NFIB: variants seen among roughly 807,000 people sequenced by gnomAD.
NFIB encodes nuclear factor I B.
Under a neutral mutation model 61.5 loss-of-function variants are expected in NFIB, and 11 were observed. That is an observed-to-expected ratio of 0.18 (90% CI 0.11 to 0.30). The LOEUF is 0.30. NFIB is among the 10% of genes least tolerant of loss of function. The probability of loss-of-function intolerance (pLI) is 1.00; values close to 1 mark genes in which losing one functional copy is unlikely to be tolerated. For missense variants in NFIB, 471 were observed against 608.9 expected (o/e 0.77, Z 2.38); for synonymous variants, 260 against 216.5 (o/e 1.20, Z -1.76).
chr9:14,245,465 A>C lies in NFIB; in HGVS notation c.562+61524T>G, dbSNP rs2054812108. ...ACCAGGACAGAACAAAACAAAACAGAAAAAAAAAACCAACGGCAACAAAAA... is the reference window on the plus strand; with the variant it reads ...ACCAGGACAGAACAAAACAAAACAGCAAAAAAAAACCAACGGCAACAAAAA... On this transcript the variant is annotated intron_variant, in intron 2 of 10. Coordinates refer to ENST00000380953, the MANE Select transcript of NFIB (RefSeq NM_001190737.2). Among the ~76,000 whole-genome samples, 3 of 149,224 alleles carry C rather than the reference A, an allele frequency of 2.0e-5. No individual in the cohort carries two copies. In the South Asian group the frequency reaches 6.4e-4, roughly 32 times the overall value.
At chr9:14,344,108 AAGAG>A (rs149708104) in intron 1 of NFIB, among the ~76,000 whole-genome samples, 1,981 of 141,486 alleles carry the variant, frequency 0.014, 25 homozygotes, top group Non-Finnish European at 0.015. Flanking sequence ...GAGAGAGAGA[AAGAG>A]AGAGAGAGAG....
chr9:14,262,127 A>G (rs2056816952), intron 2 of NFIB, among the ~76,000 whole-genome samples: 1 of 152,106 alleles, frequency 6.6e-6, no homozygotes, highest in Non-Finnish European at 1.5e-5. Context: ...GGCCCTCACC[A>G]TGACTCCTCC....
At chr9:14,213,549 G>A (rs73645013) in intron 2 of NFIB, among the ~76,000 whole-genome samples, 1 of 152,092 alleles carries the variant, frequency 6.6e-6, no homozygotes, top group Non-Finnish European at 1.5e-5. Flanking sequence ...GGTCAGACCA[G>A]TGCTGCTGGT....
chr9:14,432,362 T>C, the NFIB span, among the ~76,000 whole-genome samples: 4 of 152,232 alleles, frequency 2.6e-5, no homozygotes, highest in Admixed American at 1.3e-4. Flanking sequence ...TTTTATTCCC[T>C]AGTTCCAATT....
At chr9:14,112,741 G>C (rs1216138926) in intron 10 of NFIB, among the ~76,000 whole-genome samples, 1 of 152,142 alleles carries the variant, frequency 6.6e-6, no homozygotes, top group Admixed American at 6.5e-5. Context: ...AATACACTTT[G>C]GCTGAAACAC....
At chr9:14,404,879 C>T in the NFIB span, among the ~76,000 whole-genome samples, 1 of 152,144 alleles carries the variant, frequency 6.6e-6, no homozygotes, top group Non-Finnish European at 1.5e-5. Flanking sequence ...GTCCAGCCTC[C>T]AGCAGCAAAA....
chr9:14,481,197 G>GTGTGTGTATATATA, the NFIB span, among the ~76,000 whole-genome samples: 1 of 45,826 alleles, frequency 2.2e-5, no homozygotes, highest in Non-Finnish European at 3.9e-5. Flanking sequence ...GTGTGTGTGT[G>GTGTGTGTATATATA]TATATATATA....
intron 6 of NFIB, among the ~76,000 whole-genome samples, chr9:14,142,898 A>T (rs1014710103): frequency 6.6e-6 from 1 of 152,190 alleles, no homozygotes; most frequent in South Asian, 2.1e-4. Flanking sequence ...GGAAAGAAAT[A>T]TAACAGTTGT....
chr9:14,320,634 T>A (rs923989025), intron 1 of NFIB, among the ~76,000 whole-genome samples: 5 of 152,204 alleles, frequency 3.3e-5, no homozygotes, highest in African/African-American at 1.2e-4. Flanking sequence ...GTAAATACAC[T>A]GGAAAGTCAC....
the NFIB span, among the ~76,000 whole-genome samples, chr9:14,491,116 T>C: frequency 5.9e-5 from 9 of 152,206 alleles, no homozygotes; most frequent in African/African-American, 9.7e-5. Flanking sequence ...ACCAACGATA[T>C]AATTTTGGAC....
At chr9:14,351,730 T>C (rs2061115350) in intron 1 of NFIB, among the ~76,000 whole-genome samples, 1 of 152,216 alleles carries the variant, frequency 6.6e-6, no homozygotes, top group South Asian at 2.1e-4. Context: ...TGTGACTGAA[T>C]TTTAGAAGGT....
chr9:14,402,457 G>A (rs570151283), upstream of NFIB, among the ~76,000 whole-genome samples: 3 of 152,166 alleles, frequency 2.0e-5, no homozygotes, highest in South Asian at 4.2e-4. Flanking sequence ...TAATTATGAG[G>A]AAATAATTCT....
intron 2 of NFIB, among the ~76,000 whole-genome samples, chr9:14,199,558 C>G (rs2048802643): frequency 6.6e-6 from 1 of 152,150 alleles, no homozygotes; most frequent in East Asian, 1.9e-4. Flanking sequence ...ATGTTAAGAG[C>G]TGGAAAAATT....
chr9:14,308,389 G>T (rs1344524379), intron 1 of NFIB, among the ~76,000 whole-genome samples: 1 of 152,080 alleles, frequency 6.6e-6, no homozygotes, highest in African/African-American at 2.4e-5. Context: ...TTTTTAAATA[G>T]AAGTTTTCAA....
the NFIB span, among the ~76,000 whole-genome samples, chr9:14,405,751 G>C: frequency 6.6e-6 from 1 of 152,198 alleles, no homozygotes; most frequent in Admixed American, 6.5e-5. Flanking sequence ...GAATGAATAA[G>C]ACTCAGCCTT....
At chr9:14,355,320 G>A (rs1429303642) in intron 1 of NFIB, among the ~76,000 whole-genome samples, 2 of 152,154 alleles carry the variant, frequency 1.3e-5, no homozygotes, top group Non-Finnish European at 2.9e-5. Flanking sequence ...GGAGTAGGTA[G>A]CCATCTACAA....
At chr9:14,440,459 C>A in the NFIB span, among the ~76,000 whole-genome samples, 2 of 152,150 alleles carry the variant, frequency 1.3e-5, no homozygotes, top group African/African-American at 2.4e-5. Context: ...GTACATTTCA[C>A]AAATATACTT....
chr9:14,408,276 C>G, the NFIB span, among the ~76,000 whole-genome samples: 1 of 152,320 alleles, frequency 6.6e-6, no homozygotes, highest in South Asian at 2.1e-4. Context: ...TTTATTTATA[C>G]AGATATACCT....
intron 10 of NFIB, among the ~76,000 whole-genome samples, chr9:14,099,216 C>G (rs2035349055): frequency 6.6e-6 from 1 of 152,164 alleles, no homozygotes; most frequent in South Asian, 2.1e-4. Context: ...CAGGGATTGC[C>G]TTTTGTTAAA....
Sources: gnomAD v4.1 joint callset for allele counts (sites outside exome capture counted in the v4.1 genomes callset) on GRCh38, gnomAD v4.1.1 for gene constraint, MANE v1.5 for transcripts, NCBI Gene and HGNC (gene_info 2026-07-23, HGNC 2026-07-21) for gene names.